The following MYO1B variants were observed in gnomAD, a reference collection of about 807,000 sequenced individuals.
MYO1B encodes the protein myosin IB.
MYO1B carries 72 observed loss-of-function variants against 159.7 expected under a neutral mutation model. That is an observed-to-expected ratio of 0.45 (90% CI 0.37 to 0.55). MYO1B has a LOEUF of 0.55. MYO1B is among the 20% of genes least tolerant of loss of function. The pLI is 0.00. For missense variants in MYO1B, 1,062 were observed against 1,364.8 expected, an observed-to-expected ratio of 0.78 and a Z score of 3.50; for synonymous variants, 468 against 473.8, an observed-to-expected ratio of 0.99 and a Z score of 0.16.
intron 3 of MYO1B, among the ~76,000 whole-genome samples, chr2:191,297,482 G>A (rs1406646071): frequency 2.0e-5 from 3 of 152,184 alleles, no homozygotes; most frequent in African/African-American, 7.2e-5. Flanking sequence ...ACAAAGTTAT[G>A]TTGTTCGTTA....
chr2:191,376,398 A>G (rs141430051), intron 13 of MYO1B, among the ~76,000 whole-genome samples: 27 of 152,308 alleles, frequency 1.8e-4, no homozygotes, highest in African/African-American at 6.5e-4. Context: ...ATATTTTTCT[A>G]TAGGAACAGC....
intron 11 of MYO1B, among the ~76,000 whole-genome samples, chr2:191,364,847 G>A (rs1383119317): frequency 1.3e-5 from 2 of 152,218 alleles, no homozygotes; most frequent in South Asian, 2.1e-4. Flanking sequence ...GGACTTGCTG[G>A]TGCTAGCTGG....
intron 1 of MYO1B, among the ~76,000 whole-genome samples, chr2:191,254,451 C>G (rs905080755): frequency 1.3e-5 from 2 of 151,994 alleles, no homozygotes; most frequent in Non-Finnish European, 2.9e-5. Context: ...CTCAGGTGAT[C>G]CACCCACCTT....
chr2:191,403,388 C>G (rs908658659), intron 24 of MYO1B, among the ~76,000 whole-genome samples: 1 of 152,208 alleles, frequency 6.6e-6, no homozygotes, highest in Non-Finnish European at 1.5e-5. Flanking sequence ...GTAAATAACT[C>G]TGAGCTCTGA....
At chr2:191,392,552 A>G (rs531444373) in intron 19 of MYO1B, among the ~76,000 whole-genome samples, 19 of 152,302 alleles carry the variant, frequency 1.2e-4, no homozygotes, top group East Asian at 3.9e-4. Context: ...CTACAGCCCC[A>G]TTATTTAGAG....
At chr2:191,377,241 G>C (rs960606451) in intron 13 of MYO1B, among the ~76,000 whole-genome samples, 1 of 152,182 alleles carries the variant, frequency 6.6e-6, no homozygotes, top group Non-Finnish European at 1.5e-5. Context: ...AGCAGCCTCA[G>C]CTTCATTTAG....
At chr2:191,341,383 C>A (rs1692211617) in intron 4 of MYO1B, 78 bp from the exon 5 acceptor site, 1 of 1,175,748 alleles carries the variant, frequency 8.5e-7, no homozygotes, top group South Asian at 1.4e-5. Context: ...AGTGGGTCTT[C>A]TCCCACATTT....
At chr2:191,313,893 C>T (rs1308240045) in intron 3 of MYO1B, among the ~76,000 whole-genome samples, 1 of 152,188 alleles carries the variant, frequency 6.6e-6, no homozygotes, top group East Asian at 1.9e-4. Context: ...TGCATAGTCA[C>T]ATGGGCCCAG....
intron 13 of MYO1B, among the ~76,000 whole-genome samples, chr2:191,375,336 A>G (rs1310557727): frequency 6.6e-6 from 1 of 152,238 alleles, no homozygotes; most frequent in Non-Finnish European, 1.5e-5. Flanking sequence ...AATTCTGGCT[A>G]TAGTCAGCAC....
intron 11 of MYO1B, among the ~76,000 whole-genome samples, chr2:191,367,672 C>T (rs75361300): frequency 0.011 from 1,684 of 151,968 alleles, 62 homozygotes; most frequent in Admixed American, 0.077. Context: ...AAAAGCTGGA[C>T]GACATTAAGA....
At chr2:191,406,475 A>C (rs1302614654) in intron 24 of MYO1B, among the ~76,000 whole-genome samples, 1 of 152,216 alleles carries the variant, frequency 6.6e-6, no homozygotes, top group Non-Finnish European at 1.5e-5. Flanking sequence ...TAAAGTAAGA[A>C]GTGTGTGACC....
chr2:191,330,119 T>A, intron 4 of MYO1B, 90 bp downstream of exon 4: 1 of 1,093,552 alleles, frequency 9.1e-7, no homozygotes, highest in Non-Finnish European at 1.3e-6. Context: ...CTTAGCAAGA[T>A]CTGTCGCAGG....
chr2:191,313,052 C>CA (rs1690105115), intron 3 of MYO1B, among the ~76,000 whole-genome samples: 1 of 152,032 alleles, frequency 6.6e-6, no homozygotes, highest in African/African-American at 2.4e-5. Flanking sequence ...TAGCTCAAGG[C>CA]ATAACACAAC....
At chr2:191,300,309 C>T (rs966211574) in intron 3 of MYO1B, among the ~76,000 whole-genome samples, 2 of 151,832 alleles carry the variant, frequency 1.3e-5, no homozygotes, top group Non-Finnish European at 2.9e-5. Context: ...AATTAACTTA[C>T]CCAATATTAC....
chr2:191,348,761 C>T (rs1692730568), intron 6 of MYO1B, among the ~76,000 whole-genome samples: 1 of 152,238 alleles, frequency 6.6e-6, no homozygotes, highest in Non-Finnish European at 1.5e-5. Context: ...TCTCTTGCTT[C>T]TTTCCTGTTC....
intron 26 of MYO1B, among the ~76,000 whole-genome samples, chr2:191,410,670 A>C (rs940597647): frequency 6.6e-6 from 1 of 151,890 alleles, no homozygotes; most frequent in Non-Finnish European, 1.5e-5. Context: ...CTTTTGTGTC[A>C]GTTTTCTCTG....
At chr2:191,359,777 A>G (rs1693547494) in intron 7 of MYO1B, among the ~76,000 whole-genome samples, 1 of 152,222 alleles carries the variant, frequency 6.6e-6, no homozygotes, top group Admixed American at 6.5e-5. Flanking sequence ...CAATAATGAC[A>G]TTACTAATTT....
At chr2:191,328,089 G>T (rs570031844) in intron 3 of MYO1B, among the ~76,000 whole-genome samples, 1 of 152,158 alleles carries the variant, frequency 6.6e-6, no homozygotes, top group Non-Finnish European at 1.5e-5. Context: ...CTGAGAATGG[G>T]ATCATGGGCT....
intron 4 of MYO1B, among the ~76,000 whole-genome samples, chr2:191,330,985 C>T (rs1241283526): frequency 1.3e-5 from 2 of 152,182 alleles, no homozygotes; most frequent in African/African-American, 4.8e-5. Flanking sequence ...ATTTTATTCA[C>T]AAGCTCTTAG....
Sources: gnomAD v4.1 joint callset for allele counts (sites outside exome capture counted in the v4.1 genomes callset) on GRCh38, gnomAD v4.1.1 for gene constraint, MANE v1.5 for transcripts, NCBI Gene and HGNC (gene_info 2026-07-23, HGNC 2026-07-21) for gene names.